The following MAPKAP1 variants were observed in gnomAD, a reference collection of about 807,000 sequenced individuals.
The protein encoded by MAPKAP1 is target of rapamycin complex 2 subunit MAPKAP1.
Under a neutral mutation model 65.7 loss-of-function variants are expected in MAPKAP1, and 20 were observed. That is an observed-to-expected ratio of 0.30 (90% CI 0.21 to 0.44). The LOEUF is 0.44. MAPKAP1 is among the 20% of genes least tolerant of loss of function. MAPKAP1 has a pLI of 1.00. For missense variants in MAPKAP1, 423 were observed against 648.0 expected (o/e 0.65, Z 3.77); for synonymous variants, 222 against 244.3 (o/e 0.91, Z 0.85).
At chr9:125,673,766 A>G (rs893884174) in intron 1 of MAPKAP1, among the ~76,000 whole-genome samples, 2 of 151,402 alleles carry the variant, frequency 1.3e-5, no homozygotes, top group East Asian at 1.9e-4. Flanking sequence ...ACAAAAATAT[A>G]TATATATAAT....
chr9:125,552,496 A>T (rs905007432), intron 6 of MAPKAP1, among the ~76,000 whole-genome samples: 1 of 152,242 alleles, frequency 6.6e-6, no homozygotes, highest in Admixed American at 6.5e-5. Flanking sequence ...AGACAAATTT[A>T]AAAATTTCTT....
chr9:125,603,127 T>A (rs955760862), intron 4 of MAPKAP1, among the ~76,000 whole-genome samples: 3 of 151,878 alleles, frequency 2.0e-5, no homozygotes, highest in Non-Finnish European at 2.9e-5. Flanking sequence ...CAGGCTAGTC[T>A]CAAACTCCTG....
chr9:125,664,626 G>A (rs1834285153), intron 3 of MAPKAP1, among the ~76,000 whole-genome samples: 2 of 146,036 alleles, frequency 1.4e-5, no homozygotes, highest in South Asian at 4.4e-4. Flanking sequence ...TTGGGAGGCT[G>A]AGGCAGGAGA....
intron 4 of MAPKAP1, among the ~76,000 whole-genome samples, chr9:125,620,179 C>T: frequency 6.6e-6 from 1 of 152,148 alleles, no homozygotes; most frequent in Non-Finnish European, 1.5e-5. Flanking sequence ...TGTGGTGGGG[C>T]ACACCTGTAA....
chr9:125,457,014 A>T lies in MAPKAP1; in HGVS notation c.1345+10958T>A, dbSNP rs1292360263. ...AATTTTTTTTTTTTTTTTGAGACAG[A>T]GTCTCACTCTGCTGTCCAGGCTGGA... On this transcript the variant is annotated intron_variant, in intron 10 of 11. Coordinates refer to ENST00000265960, the MANE Select transcript of MAPKAP1 (RefSeq NM_001006617.3). Among the ~76,000 whole-genome samples the T allele has an allele frequency of 5.4e-5, 8 of 147,338 alleles. No individual in the cohort carries two copies. In the Admixed American group the frequency reaches 5.5e-4, roughly 10 times the overall value.
At chr9:125,693,520 TATATACAC>T (rs1203090126) in intron 1 of MAPKAP1, among the ~76,000 whole-genome samples, 1 of 118,634 alleles carries the variant, frequency 8.4e-6, no homozygotes, top group East Asian at 2.6e-4. Context: ...TACACACACA[TATATACAC>T]ATATACACAC....
chr9:125,576,538 C>T (rs934794881), intron 5 of MAPKAP1, among the ~76,000 whole-genome samples: 12 of 152,142 alleles, frequency 7.9e-5, no homozygotes, highest in Admixed American at 1.3e-4. Context: ...CACGGTCTCC[C>T]TCTCTTTCCA....
At chr9:125,485,307 TGATCCATTTTTCTAAAGGTTG>T (rs1476833910) in intron 8 of MAPKAP1, among the ~76,000 whole-genome samples, 1 of 152,230 alleles carries the variant, frequency 6.6e-6, no homozygotes, top group African/African-American at 2.4e-5. Flanking sequence ...ACAGGCTTTC[TGATCCATTTTTCTAAAGGTTG>T]GATCATTCAT....
Position 125,595,857 on chromosome 9 carries a change from C to A in MAPKAP1, c.499-10130G>T, listed in dbSNP as rs543522577. On this transcript the variant is annotated intron_variant, in intron 4 of 11. Coordinates refer to ENST00000265960, the MANE Select transcript of MAPKAP1 (RefSeq NM_001006617.3). The surrounding 1 kb of genome is among the most constrained non-coding windows in gnomAD (Gnocchi z 4.0). Reference sequence around the variant, plus strand: ...GGTTTTGGGTTTGTCACCTATGCCACTGTGGAGGAGGTGGATGCAGCCATG... The same window carrying A: ...GGTTTTGGGTTTGTCACCTATGCCAATGTGGAGGAGGTGGATGCAGCCATG... 49 of 1,137,784 alleles carry A rather than the reference C, an allele frequency of 4.3e-5. No homozygotes were observed. The Middle Eastern group carries it at 8.3e-4, about 19-fold the overall frequency. 70.5% of individuals were successfully genotyped at this position (1,137,784 alleles called of 1,614,324 possible).
intron 4 of MAPKAP1, among the ~76,000 whole-genome samples, chr9:125,607,053 T>C (rs1035703409): frequency 6.6e-6 from 1 of 152,156 alleles, no homozygotes; most frequent in Non-Finnish European, 1.5e-5. Context: ...ACTGGAATAA[T>C]ATTACATACT....
chr9:125,695,789 C>T (rs769349035), intron 1 of MAPKAP1, among the ~76,000 whole-genome samples: 4 of 151,408 alleles, frequency 2.6e-5, no homozygotes, highest in African/African-American at 4.9e-5. Context: ...AATGCAATGG[C>T]GCAATCTTGG....
chr9:125,596,316 C>G (rs1478438738), intron 4 of MAPKAP1: 1 of 760,934 alleles, frequency 1.3e-6, no homozygotes. Context: ...CAACTTTGGT[C>G]ATGGAGGAAA....
At chr9:125,633,807 T>C (rs1833353156) in intron 4 of MAPKAP1, among the ~76,000 whole-genome samples, 1 of 152,184 alleles carries the variant, frequency 6.6e-6, no homozygotes, top group African/African-American at 2.4e-5. Context: ...AATCTGTCAC[T>C]TCCTAGGATG....
At chr9:125,468,794 A>G in intron 9 of MAPKAP1, among the ~76,000 whole-genome samples, 1 of 152,326 alleles carries the variant, frequency 6.6e-6, no homozygotes, top group East Asian at 1.9e-4. Flanking sequence ...ACTGGGTGTG[A>G]GTTTTACGCA....
In MAPKAP1 at chr9:125,480,974, GGAAAAAAAAAAA is replaced by G. The variant is rs796631407; in HGVS notation, c.1207+3457_1207+3468del. On this transcript the variant is annotated intron_variant, in intron 9 of 11. Coordinates refer to ENST00000265960, the MANE Select transcript of MAPKAP1 (RefSeq NM_001006617.3). The stretch of plus-strand genomic sequence containing the variant: ...GTGACAGAGCGAGACTCCGTTTCGG[GGAAAAAAAAAAA>G]AAAAAAAAAAAAAAAGAATATGCTT... Among the ~76,000 whole-genome samples the G allele has an allele frequency of 5.2e-3, 510 of 97,646 alleles. 6 individuals carry two copies. The highest frequency in any genetic ancestry group is 0.02 in the African/African-American group (490 of 24,092). 64.1% of individuals were successfully genotyped at this position (97,646 alleles called of 152,430 possible). A position where few individuals can be genotyped will look rare whatever the true frequency, so the allele number is the denominator to read the frequency against.
At chr9:125,563,471 A>C (rs1830952894) in intron 5 of MAPKAP1, among the ~76,000 whole-genome samples, 1 of 152,218 alleles carries the variant, frequency 6.6e-6, no homozygotes, top group East Asian at 1.9e-4. Flanking sequence ...AAATTCAAGC[A>C]ATTCTCCTTT....
chr9:125,572,850 G>A (rs2131543284), intron 5 of MAPKAP1: 1 of 152,306 alleles, frequency 6.6e-6, no homozygotes, highest in Admixed American at 6.5e-5. Context: ...TACAGGACAA[G>A]CTTACTGAAT....
chr9:125,545,836 A>T (rs1589275566), intron 6 of MAPKAP1, among the ~76,000 whole-genome samples: 1 of 152,210 alleles, frequency 6.6e-6, no homozygotes, highest in East Asian at 1.9e-4. Flanking sequence ...AATCCCTGGC[A>T]CTTATCATCC....
intron 5 of MAPKAP1, among the ~76,000 whole-genome samples, chr9:125,578,001 T>G (rs1208512194): frequency 6.6e-6 from 1 of 151,326 alleles, no homozygotes; most frequent in African/African-American, 2.4e-5. Context: ...GGGGGAAAGG[T>G]GGGGAAAAGA....
Sources: allele counts gnomAD v4.1 joint callset (sites outside exome capture counted in the v4.1 genomes callset), GRCh38; gene constraint gnomAD v4.1.1; non-coding constraint Gnocchi (gnomAD v3.1); transcripts MANE v1.5; gene names NCBI Gene and HGNC (gene_info 2026-07-23, HGNC 2026-07-21).